RFK: variants seen among roughly 807,000 people sequenced by gnomAD.
The protein encoded by RFK is 0610038L10Rik.
RFK carries 4 observed loss-of-function variants against 17.6 expected under a neutral mutation model. The ratio of observed to expected loss-of-function variants is 0.23; its 90% CI spans 0.11 to 0.52. RFK has a LOEUF of 0.52. Among genes scored for constraint, RFK ranks in the 20% least tolerant of loss-of-function variants. The pLI is 0.96. For missense variants in RFK, 189 were observed against 187.7 expected, an observed-to-expected ratio of 1.01 and a Z score of -0.04; for synonymous variants, 59 against 63.8, an observed-to-expected ratio of 0.92 and a Z score of 0.36.
chr9:76,387,154 A>C lies in RFK; in HGVS notation c.*245T>G. The C allele has an allele frequency of 1.5e-5, 5 of 342,634 alleles. 1 individual carries two copies. In the South Asian group the frequency reaches 2.2e-4, roughly 15 times the overall value. The allele number at this position is 342,634 out of a possible 1,614,324, so 21.2% of individuals were successfully genotyped here. ...ACTTATACACATGTAATACCTTTCT[A>C]GTGGTACATTTTAATCAATATATAT... On this transcript the variant is annotated 3_prime_UTR_variant, in exon 4 of 4. Transcript: ENST00000376736.
rs1822734847 is a variant in RFK at position 76,386,604 on chromosome 9, G to T, written c.*795C>A. 1 of 152,136 alleles carries T rather than the reference G, an allele frequency of 6.6e-6. No individual in the cohort carries two copies. The highest frequency in any genetic ancestry group is 2.4e-5 in the African/African-American group (1 of 41,412). The allele number at this position is 152,136 out of a possible 1,614,324, so 9.4% of individuals were successfully genotyped here. On this transcript the variant is annotated 3_prime_UTR_variant, in exon 4 of 4. Coordinates refer to ENST00000376736, the MANE Select transcript of RFK (RefSeq NM_018339.6). ...TTATCCAACAAAAAGGAGACATATA[G>T]ATTTGAAAACACTTATTTTACTGTC...
chr9:76,393,076 G>T (rs1050968606), intron 1 of RFK, among the ~76,000 whole-genome samples: 1 of 152,028 alleles, frequency 6.6e-6, no homozygotes, highest in Non-Finnish European at 1.5e-5. Context: ...AAAGTACCAG[G>T]TAAGTATATA....
At chr9:76,389,055 C>T (rs1822781097) in intron 2 of RFK, among the ~76,000 whole-genome samples, 1 of 152,156 alleles carries the variant, frequency 6.6e-6, no homozygotes. Context: ...CATTTGCACA[C>T]GTCTGACACA....
At chr9:76,387,579 T>G in intron 3 of RFK, 50 bp from the exon 4 acceptor site, 1 of 1,552,588 alleles carries the variant, frequency 6.4e-7, no homozygotes, top group Non-Finnish European at 8.7e-7. Flanking sequence ...ATTAACATAC[T>G]TTTTACTACT....
At chr9:76,388,937 C>A (rs904901475) in intron 2 of RFK, among the ~76,000 whole-genome samples, 1 of 152,138 alleles carries the variant, frequency 6.6e-6, no homozygotes, top group African/African-American at 2.4e-5. Context: ...GACACGTATC[C>A]AAGGAAGTAA....
intron 2 of RFK, among the ~76,000 whole-genome samples, chr9:76,391,135 A>G (rs1822814730): frequency 2.0e-5 from 3 of 152,198 alleles, no homozygotes; most frequent in Admixed American, 2.0e-4. Flanking sequence ...CCAAAAAATA[A>G]TTTTCAAATC....
At chr9:76,389,901 A>G (rs189391927) in intron 2 of RFK, among the ~76,000 whole-genome samples, 1 of 152,228 alleles carries the variant, frequency 6.6e-6, no homozygotes, top group East Asian at 1.9e-4. Flanking sequence ...TCAAAATCCT[A>G]GCAGGTTTTT....
intron 2 of RFK, among the ~76,000 whole-genome samples, chr9:76,391,352 A>G (rs1822817961): frequency 6.6e-6 from 1 of 152,222 alleles, no homozygotes; most frequent in Non-Finnish European, 1.5e-5. Flanking sequence ...CAAATCTAAC[A>G]GATAAAACAC....
intron 2 of RFK, among the ~76,000 whole-genome samples, chr9:76,391,355 T>C (rs1343698809): frequency 6.6e-6 from 1 of 152,180 alleles, no homozygotes; most frequent in African/African-American, 2.4e-5. Context: ...ATCTAACAGA[T>C]AAAACACTGA....
At chr9:76,393,989 C>CGGTCCGGA (rs1159650212) in intron 1 of RFK, 101 bp downstream of exon 1, 17 of 1,088,968 alleles carry the variant, frequency 1.6e-5, no homozygotes, top group Non-Finnish European at 2.2e-5. Context: ...TCTCTGCCCG[C>CGGTCCGGA]GGTCCGGAGG....
At chr9:76,393,811 A>G in intron 1 of RFK, 1 of 488,834 alleles carries the variant, frequency 2.0e-6, no homozygotes, top group Non-Finnish European at 3.6e-6. Flanking sequence ...TTGGCTGGCC[A>G]AGGAGGCGTG....
In RFK at chr9:76,387,351, C is replaced by A; in HGVS notation, c.*48G>T. 1 of 1,548,740 alleles carries A rather than the reference C, an allele frequency of 6.5e-7. No homozygotes were observed. The highest frequency in any genetic ancestry group is 8.8e-7 in the Non-Finnish European group (1 of 1,136,418). On this transcript the variant is annotated 3_prime_UTR_variant, in exon 4 of 4. Coordinates refer to ENST00000376736, the MANE Select transcript of RFK (RefSeq NM_018339.6). Reference sequence around the variant, plus strand: ...CAAGATGATGCTGAACAGTAATAAACACAGAAACACTAGAAAACAGTGAAT... The same window carrying A: ...CAAGATGATGCTGAACAGTAATAAAAACAGAAACACTAGAAAACAGTGAAT...
chr9:76,392,598 C>T (rs1197643591), intron 1 of RFK, 29 bp from the exon 2 acceptor site: 2 of 1,612,500 alleles, frequency 1.2e-6, no homozygotes, highest in East Asian at 4.5e-5. Flanking sequence ...TATTTTGAGT[C>T]TTACAAATTT....
At chr9:76,393,208 CT>C (rs10716702) in intron 1 of RFK, among the ~76,000 whole-genome samples, 68,060 of 131,564 alleles carry the variant, frequency 0.52, 16,845 homozygotes, top group Non-Finnish European at 0.6. Flanking sequence ...AAGTTTCTTT[CT>C]TTTTTTTTTT....
In RFK at chr9:76,392,527, A is replaced by G. The variant is rs1264348624; in HGVS notation, c.125T>C (p.Ile42Thr). ...CCAACCATAGTAAATACCAGTGGAT[A>G]TATCAGCTGGAAGATTATCTACCAC... The part of the protein sequence containing the change: ...EQVVDNLPAD[I>T]STGIYYGWAS... The change falls in exon 2 of 4, where the codon ATA (isoleucine) becomes ACA (threonine). Residue 42 changes from isoleucine to threonine, a missense_variant. Transcript: ENST00000376736. 1.2e-5 allele frequency: 20 copies of G among 1,614,094 alleles called. No homozygotes were observed. Among genetic ancestry groups the G allele is most frequent in the Admixed American group, 6.7e-5 (4 of 60,004 alleles).
Position 76,394,174 on chromosome 9 carries a change from T to C in RFK, c.-3A>G. ...CAGAAGTAAGGCAGGTGCCTCATAA[T>C]GCAGTCCGCTCGGGGAATGGGCTGC... On this transcript the variant is annotated 5_prime_UTR_variant, in exon 1 of 4. Transcript: ENST00000376736. 1 of 1,598,970 alleles carries C rather than the reference T, an allele frequency of 6.3e-7. No homozygotes were observed. Among genetic ancestry groups the C allele is most frequent in the Non-Finnish European group, 8.5e-7 (1 of 1,174,066 alleles).
chr9:76,391,936 TA>T lies in RFK; in HGVS notation c.234+481del, dbSNP rs34498868. 4.0e-3 allele frequency among the ~76,000 whole-genome samples: 582 copies of T among 145,434 alleles called. 2 individuals are homozygous for T. The highest frequency in any genetic ancestry group is 0.017 in the East Asian group (86 of 5,050). The stretch of plus-strand genomic sequence containing the variant: ...GGGCAACATAGTGAGACCCCATCTT[TA>T]AAAAAAAAAAAAAAGATGCAATTTC... On this transcript the variant is annotated intron_variant, in intron 2 of 3. Transcript: ENST00000376736.
Position 76,394,311 on chromosome 9 carries a change from G to C in RFK, c.-140C>G. ...TGCCGCGGGGGCGCACCAGTGGCCG[G>C]ACGACGCCGACCACAGGCCACTGCG... is the stretch of plus-strand genomic sequence containing the variant. On this transcript the variant is annotated 5_prime_UTR_variant, in exon 1 of 4. Coordinates refer to ENST00000376736, the MANE Select transcript of RFK (RefSeq NM_018339.6). 1.4e-6 allele frequency: 1 copy of C among 729,126 alleles called. No individual in the cohort carries two copies. 45.2% of individuals were successfully genotyped at this position (729,126 alleles called of 1,614,324 possible).
intron 2 of RFK, 35 bp from the exon 3 acceptor site, chr9:76,388,691 G>T: frequency 8.0e-7 from 1 of 1,256,606 alleles, no homozygotes; most frequent in Non-Finnish European, 1.2e-6. Context: ...AGTGCTATCA[G>T]ACTACAGTGT....
Sources: allele counts gnomAD v4.1 joint callset (sites outside exome capture counted in the v4.1 genomes callset), GRCh38; gene constraint gnomAD v4.1.1; transcripts MANE v1.5; gene names NCBI Gene and HGNC (gene_info 2026-07-23, HGNC 2026-07-21).